Variants in CAST observed in about 807,000 individuals in gnomAD.
CAST encodes calpastatin.
Under a neutral mutation model 119.6 loss-of-function variants are expected in CAST, and 76 were observed. The ratio of observed to expected loss-of-function variants is 0.64; its 90% CI spans 0.53 to 0.77. The LOEUF (loss-of-function observed/expected upper bound fraction) is 0.77, where lower values mean the gene tolerates loss of function less well. Among genes scored for constraint, CAST ranks in the 30% least tolerant of loss-of-function variants. The pLI, the probability that CAST is intolerant of heterozygous loss-of-function variation, is 0.00. For synonymous variants in CAST, 319 were observed against 331.6 expected, an observed-to-expected ratio of 0.96 and a Z score of 0.41; for missense variants, 953 against 946.5, an observed-to-expected ratio of 1.01 and a Z score of -0.09.
the CAST span, among the ~76,000 whole-genome samples, chr5:96,170,286 A>G: frequency 6.6e-6 from 1 of 152,108 alleles, no homozygotes; most frequent in Non-Finnish European, 1.5e-5. Context: ...ACTTAGGAGG[A>G]ATCCCGGGCT....
intron 1 of CAST, among the ~76,000 whole-genome samples, chr5:96,670,661 C>G (rs997737536): frequency 6.6e-6 from 1 of 152,198 alleles, no homozygotes; most frequent in Non-Finnish European, 1.5e-5. Context: ...CCATGCCCAG[C>G]TAATTTTTGT....
chr5:96,001,763 A>T, the CAST span, among the ~76,000 whole-genome samples: 260 of 152,316 alleles, frequency 1.7e-3, 1 homozygote, highest in Non-Finnish European at 2.1e-3. Flanking sequence ...CCTACTCAAG[A>T]CTTTTCTTTC....
At chr5:96,561,796 GT>G (rs11375615) in intron 1 of CAST, among the ~76,000 whole-genome samples, 80 of 97,400 alleles carry the variant, frequency 8.2e-4, no homozygotes, top group African/African-American at 2.6e-3. Flanking sequence ...GTTTTTTTTT[GT>G]TTTTTTTTTT....
At chr5:96,649,810 T>C (rs1288504633) in intron 1 of CAST, among the ~76,000 whole-genome samples, 1 of 152,228 alleles carries the variant, frequency 6.6e-6, no homozygotes, top group African/African-American at 2.4e-5. Context: ...CTGTTAGAGT[T>C]GCATTTAAAC....
chr5:96,502,164 A>G, the CAST span, among the ~76,000 whole-genome samples: 1 of 152,218 alleles, frequency 6.6e-6, no homozygotes, highest in African/African-American at 2.4e-5. Context: ...CTCATAACAT[A>G]AATCCTGTAC....
the CAST span, among the ~76,000 whole-genome samples, chr5:96,268,596 T>C: frequency 6.6e-6 from 1 of 151,904 alleles, no homozygotes; most frequent in Non-Finnish European, 1.5e-5. Flanking sequence ...ATCCTATCTT[T>C]AAAAAATAAA....
At chr5:96,336,156 CTA>C in the CAST span, among the ~76,000 whole-genome samples, 4 of 152,184 alleles carry the variant, frequency 2.6e-5, no homozygotes, top group Non-Finnish European at 5.9e-5. Flanking sequence ...TGTCCCTTGT[CTA>C]TCTCTTAAAC....
chr5:96,363,878 G>A, the CAST span, among the ~76,000 whole-genome samples: 3 of 152,264 alleles, frequency 2.0e-5, no homozygotes, highest in South Asian at 6.2e-4. Context: ...TGTTGAATAG[G>A]AGTGTTGAGA....
chr5:96,513,354 A>G, the CAST span, among the ~76,000 whole-genome samples: 5 of 152,236 alleles, frequency 3.3e-5, no homozygotes. Flanking sequence ...TAAAAAGCAC[A>G]GAAGTTAAAA....
chr5:96,441,854 T>G, the CAST span, among the ~76,000 whole-genome samples: 1 of 152,178 alleles, frequency 6.6e-6, no homozygotes, highest in Non-Finnish European at 1.5e-5. Flanking sequence ...TGCGTATGGG[T>G]GATTGAGTAG....
At chr5:96,699,288 G>C (rs1165277017) in intron 3 of CAST, among the ~76,000 whole-genome samples, 1 of 152,162 alleles carries the variant, frequency 6.6e-6, no homozygotes, top group African/African-American at 2.4e-5. Flanking sequence ...GGTTCAAATT[G>C]CATTAGGAAT....
At chr5:95,987,870 C>T in the CAST span, among the ~76,000 whole-genome samples, 1 of 152,202 alleles carries the variant, frequency 6.6e-6, no homozygotes, top group African/African-American at 2.4e-5. Context: ...GCACTAGCCA[C>T]ATTTAAAGTG....
chr5:96,160,819 G>A, the CAST span, among the ~76,000 whole-genome samples: 280 of 152,284 alleles, frequency 1.8e-3, no homozygotes, highest in African/African-American at 6.5e-3. Context: ...GTGAAGTGGT[G>A]TCTATCTCAC....
the CAST span, among the ~76,000 whole-genome samples, chr5:96,128,064 A>G: frequency 1.3e-5 from 2 of 152,136 alleles, no homozygotes; most frequent in Non-Finnish European, 2.9e-5. Flanking sequence ...CTGAGTAATT[A>G]AAATAAATTA....
the CAST span, among the ~76,000 whole-genome samples, chr5:96,379,888 T>C: frequency 6.6e-6 from 1 of 152,140 alleles, no homozygotes; most frequent in Non-Finnish European, 1.5e-5. Flanking sequence ...GTGGCAGTTA[T>C]TACCTGAGTG....
chr5:96,380,850 G>A, the CAST span, among the ~76,000 whole-genome samples: 4 of 152,144 alleles, frequency 2.6e-5, no homozygotes. Context: ...AATGCTTGGG[G>A]GTTACAAAAT....
At chr5:96,112,609 T>C in the CAST span, among the ~76,000 whole-genome samples, 5 of 152,158 alleles carry the variant, frequency 3.3e-5, no homozygotes, top group African/African-American at 9.7e-5. Flanking sequence ...CGAGAGAAAA[T>C]TGAACTATAT....
At chr5:96,749,478 G>T (rs914852344) in intron 19 of CAST, among the ~76,000 whole-genome samples, 1 of 152,148 alleles carries the variant, frequency 6.6e-6, no homozygotes, top group South Asian at 2.1e-4. Flanking sequence ...TATAGGATAG[G>T]CTTCCATAAA....
the CAST span, among the ~76,000 whole-genome samples, chr5:96,418,487 C>T: frequency 6.6e-6 from 1 of 152,110 alleles, no homozygotes; most frequent in African/African-American, 2.4e-5. Flanking sequence ...GTAAGCATTA[C>T]CTGCACTGTT....
Sources: allele counts gnomAD v4.1 joint callset (sites outside exome capture counted in the v4.1 genomes callset), GRCh38; gene constraint gnomAD v4.1.1; transcripts MANE v1.5; gene names NCBI Gene and HGNC (gene_info 2026-07-23, HGNC 2026-07-21).